IQCM: variants seen among roughly 807,000 people sequenced by gnomAD.
The protein encoded by IQCM is IQ motif containing M.
IQCM carries 45 observed loss-of-function variants against 57.6 expected under a neutral mutation model. The ratio of observed to expected loss-of-function variants is 0.78; its 90% CI spans 0.62 to 1.00. The LOEUF (loss-of-function observed/expected upper bound fraction) is 1.00. Among genes scored for constraint, IQCM ranks in the 50% least tolerant of loss-of-function variants. The probability of loss-of-function intolerance (pLI) is 0.00; values close to 1 mark genes in which losing one functional copy is unlikely to be tolerated. For synonymous variants in IQCM, 148 were observed against 158.9 expected, an observed-to-expected ratio of 0.93 and a Z score of 0.51; for missense variants, 468 against 511.6, an observed-to-expected ratio of 0.91 and a Z score of 0.82.
intron 2 of IQCM, among the ~76,000 whole-genome samples, chr4:149,779,461 A>T (rs1771400122): frequency 6.6e-6 from 1 of 152,168 alleles, no homozygotes. Context: ...TTGTCAAAAC[A>T]CCAATATGCT....
At chr4:149,698,904 G>A (rs1229681089) in intron 5 of IQCM, among the ~76,000 whole-genome samples, 2 of 151,874 alleles carry the variant, frequency 1.3e-5, no homozygotes, top group Non-Finnish European at 2.9e-5. Flanking sequence ...AAGTATATAA[G>A]GATAAAAGAT....
Position 149,607,519 on chromosome 4 carries a change from C to T in IQCM, c.681+13610G>A, listed in dbSNP as rs567161004. On this transcript the variant is annotated intron_variant, in intron 8 of 13. Coordinates refer to ENST00000636793, the MANE Select transcript of IQCM (RefSeq NM_001363507.2). ...TAACAATGTAATTGCGATGTGTAAACCATTCATATTTTTAGTAGAAAAACT... is the reference window on the plus strand; with the variant it reads ...TAACAATGTAATTGCGATGTGTAAATCATTCATATTTTTAGTAGAAAAACT... Among the ~76,000 whole-genome samples the T allele has an allele frequency of 3.3e-5, 5 of 151,882 alleles. No individual in the cohort carries two copies. The South Asian group carries it at 6.2e-4, about 19-fold the overall frequency.
intron 5 of IQCM, among the ~76,000 whole-genome samples, chr4:149,706,746 A>C: frequency 6.6e-6 from 1 of 151,982 alleles, no homozygotes; most frequent in Non-Finnish European, 1.5e-5. Context: ...TTTAGATATT[A>C]AAACAGTGGG....
chr4:149,723,765 C>CTGTAG (rs2149861874), intron 5 of IQCM, among the ~76,000 whole-genome samples: 1 of 151,964 alleles, frequency 6.6e-6, no homozygotes, highest in South Asian at 2.1e-4. Flanking sequence ...TTGTTATTTC[C>CTGTAG]TTTCCTGGCT....
At chr4:149,656,905 T>A (rs868764504) in intron 7 of IQCM, among the ~76,000 whole-genome samples, 1 of 152,064 alleles carries the variant, frequency 6.6e-6, no homozygotes, top group Non-Finnish European at 1.5e-5. Context: ...GAGAACAAAA[T>A]CAGAAGGAAA....
intron 12 of IQCM, among the ~76,000 whole-genome samples, chr4:149,506,675 A>G (rs769082793): frequency 2.0e-5 from 3 of 152,240 alleles, no homozygotes; most frequent in Non-Finnish European, 4.4e-5. Flanking sequence ...TGCTGGAGGT[A>G]GTAGTGTTTC....
At chr4:149,532,583 T>C (rs1413159205) in intron 12 of IQCM, among the ~76,000 whole-genome samples, 1 of 151,436 alleles carries the variant, frequency 6.6e-6, no homozygotes, top group African/African-American at 2.4e-5. Flanking sequence ...ACTAGAGGAC[T>C]ATGTGGGGGC....
intron 2 of IQCM, among the ~76,000 whole-genome samples, chr4:149,758,388 C>T (rs1386652526): frequency 6.6e-6 from 1 of 152,054 alleles, no homozygotes; most frequent in African/African-American, 2.4e-5. Flanking sequence ...TAGAAGACAA[C>T]AGGAGAAAAA....
intron 13 of IQCM, among the ~76,000 whole-genome samples, chr4:149,358,116 T>A (rs928543540): frequency 1.3e-5 from 2 of 152,210 alleles, no homozygotes; most frequent in African/African-American, 4.8e-5. Flanking sequence ...TTTTATTGCA[T>A]CTATTTGATT....
chr4:149,738,429 A>T (rs1169054405), intron 3 of IQCM, among the ~76,000 whole-genome samples: 2 of 152,112 alleles, frequency 1.3e-5, no homozygotes, highest in Non-Finnish European at 2.9e-5. Context: ...CCAAAGTAGC[A>T]TTTTCTTCCT....
chr4:149,751,851 T>C (rs1332481190), intron 2 of IQCM, among the ~76,000 whole-genome samples: 2 of 151,940 alleles, frequency 1.3e-5, no homozygotes, highest in East Asian at 1.9e-4. Flanking sequence ...GGGAATAGCA[T>C]AGAAAGAACA....
rs1461072405 is a variant in IQCM at position 149,381,974 on chromosome 4, C to T, written c.1391-29908G>A. Among the ~76,000 whole-genome samples, 6 of 152,064 alleles carry T rather than the reference C, an allele frequency of 3.9e-5. No individual in the cohort carries two copies. In the East Asian group the frequency reaches 7.8e-4, roughly 20 times the overall value. On this transcript the variant is annotated intron_variant, in intron 13 of 13. Coordinates refer to ENST00000636793, the MANE Select transcript of IQCM (RefSeq NM_001363507.2). Reference sequence around the variant, plus strand: ...TTTTTAGTAGAGATGGGGTTTCACCCTGTTGGTCTCGAACTTCTGACCTCA... The same window carrying T: ...TTTTTAGTAGAGATGGGGTTTCACCTTGTTGGTCTCGAACTTCTGACCTCA...
At chr4:149,661,046 T>C (rs1760152724) in intron 7 of IQCM, among the ~76,000 whole-genome samples, 1 of 152,058 alleles carries the variant, frequency 6.6e-6, no homozygotes, top group Non-Finnish European at 1.5e-5. Flanking sequence ...TGGGTATCTT[T>C]GTCTTGTTTC....
intron 13 of IQCM, among the ~76,000 whole-genome samples, chr4:149,368,932 G>A (rs868625445): frequency 3.1e-5 from 2 of 65,558 alleles, no homozygotes; most frequent in Non-Finnish European, 6.2e-5. Context: ...ATATATACAC[G>A]TGTATATATA....
chr4:149,450,258 AC>A (rs1287628668), intron 12 of IQCM, among the ~76,000 whole-genome samples: 1 of 151,866 alleles, frequency 6.6e-6, no homozygotes, highest in Non-Finnish European at 1.5e-5. Flanking sequence ...TGAAACTACT[AC>A]CAGAAAACAT....
chr4:149,758,371 A>G (rs1186263866), intron 2 of IQCM, among the ~76,000 whole-genome samples: 1 of 152,190 alleles, frequency 6.6e-6, no homozygotes, highest in Non-Finnish European at 1.5e-5. Context: ...CAAAACCATA[A>G]AACTCCTAGA....
At chr4:149,598,296 T>C (rs1450994118) in intron 8 of IQCM, among the ~76,000 whole-genome samples, 1 of 152,108 alleles carries the variant, frequency 6.6e-6, no homozygotes, top group East Asian at 1.9e-4. Context: ...AAGAAAGAAC[T>C]AAACTCTAGA....
intron 13 of IQCM, among the ~76,000 whole-genome samples, chr4:149,362,205 A>G (rs1215606432): frequency 6.6e-6 from 1 of 152,158 alleles, no homozygotes; most frequent in Non-Finnish European, 1.5e-5. Flanking sequence ...TTTTGATTTT[A>G]CAGGGTCCTA....
chr4:149,431,153 C>A (rs537121985), intron 13 of IQCM, among the ~76,000 whole-genome samples: 1 of 151,662 alleles, frequency 6.6e-6, no homozygotes, highest in African/African-American at 2.4e-5. Flanking sequence ...TGCAGTGAAC[C>A]GAGATTATGC....
Sources: gnomAD v4.1 joint callset for allele counts (sites outside exome capture counted in the v4.1 genomes callset) on GRCh38, gnomAD v4.1.1 for gene constraint, MANE v1.5 for transcripts, NCBI Gene and HGNC (gene_info 2026-07-23, HGNC 2026-07-21) for gene names.